FMN2: variants seen among roughly 807,000 people sequenced by gnomAD.
FMN2 encodes the protein formin 2, also known as formin-2.
In FMN2, 51 loss-of-function variants were observed where a neutral mutation model predicts 142.3. That is an observed-to-expected ratio of 0.36 (90% CI 0.29 to 0.45). The LOEUF (loss-of-function observed/expected upper bound fraction) is 0.45. FMN2 is among the 20% of genes least tolerant of loss of function. The pLI is 1.00. For synonymous variants in FMN2, 882 were observed against 869.8 expected, an observed-to-expected ratio of 1.01 and a Z score of -0.25; for missense variants, 1,936 against 2,122.8, an observed-to-expected ratio of 0.91 and a Z score of 1.73.
chr1:240,162,131 C>CAA (rs113464464), intron 2 of FMN2, among the ~76,000 whole-genome samples: 72 of 101,876 alleles, frequency 7.1e-4, no homozygotes, highest in African/African-American at 2.3e-3. Context: ...GACCTTGTTT[C>CAA]AAAAAAAAAA....
At chr1:240,373,417 T>C (rs1404395666) in intron 14 of FMN2, among the ~76,000 whole-genome samples, 4 of 152,226 alleles carry the variant, frequency 2.6e-5, no homozygotes, top group Non-Finnish European at 1.5e-5. Flanking sequence ...TGCTATTTGG[T>C]AGTATTTTAC....
At chr1:240,137,069 C>CA (rs563163509) in intron 2 of FMN2, among the ~76,000 whole-genome samples, 1,097 of 74,978 alleles carry the variant, frequency 0.015, 10 homozygotes, top group South Asian at 0.022. Flanking sequence ...AACTCCGTCT[C>CA]AAAAAAAAAA....
At chr1:240,250,762 C>T (rs887274586) in intron 6 of FMN2, among the ~76,000 whole-genome samples, 1 of 151,850 alleles carries the variant, frequency 6.6e-6, no homozygotes. Context: ...TTCAATCTCA[C>T]AACTCATTGT....
chr1:240,181,285 T>G (rs1189064736), intron 3 of FMN2, among the ~76,000 whole-genome samples: 1 of 152,230 alleles, frequency 6.6e-6, no homozygotes, highest in Admixed American at 6.5e-5. Flanking sequence ...ATTACAGGCG[T>G]GAGCCACTGC....
intron 7 of FMN2, among the ~76,000 whole-genome samples, chr1:240,268,905 G>A (rs1484351467): frequency 6.6e-6 from 1 of 151,820 alleles, no homozygotes; most frequent in Non-Finnish European, 1.5e-5. Flanking sequence ...TTGCCTTTCT[G>A]TTATTGAGTA....
At chr1:240,446,253 G>C (rs1374493662) in intron 16 of FMN2, among the ~76,000 whole-genome samples, 2 of 152,110 alleles carry the variant, frequency 1.3e-5, no homozygotes, top group Non-Finnish European at 2.9e-5. Context: ...TTAAAACTTT[G>C]GGAAATCTTC....
At chr1:240,353,325 A>G (rs1055479875) in intron 13 of FMN2, among the ~76,000 whole-genome samples, 7 of 152,194 alleles carry the variant, frequency 4.6e-5, no homozygotes, top group African/African-American at 1.7e-4. Context: ...TAAACTCACT[A>G]CCATATAATG....
chr1:240,204,476 T>G (rs1028770672), intron 4 of FMN2, among the ~76,000 whole-genome samples: 4 of 151,938 alleles, frequency 2.6e-5, no homozygotes, highest in Admixed American at 1.3e-4. Context: ...CTAGACCATG[T>G]GCGGTGGCTC....
intron 4 of FMN2, among the ~76,000 whole-genome samples, chr1:240,190,974 G>T (rs1447943832): frequency 6.6e-6 from 1 of 152,100 alleles, no homozygotes; most frequent in African/African-American, 2.4e-5. Context: ...TCACTAGATG[G>T]CAGTTCTGTA....
chr1:240,186,094 C>G (rs1665436337), intron 3 of FMN2, among the ~76,000 whole-genome samples: 1 of 152,132 alleles, frequency 6.6e-6, no homozygotes, highest in Non-Finnish European at 1.5e-5. Context: ...GTGACACTTA[C>G]TGGTAAGTGA....
rs1482101312 is a variant in FMN2, at chr1:240,114,657, T to G, written c.1616-8522T>G. On this transcript the variant is annotated intron_variant, in intron 1 of 17. Transcript: ENST00000319653. ...GGTGATTTTCTAATTATATCATTTCTTTTTTTTTTTTTTTTTTGAGACAGA... is the reference window on the plus strand; with the variant it reads ...GGTGATTTTCTAATTATATCATTTCGTTTTTTTTTTTTTTTTTGAGACAGA... Among the ~76,000 whole-genome samples, 40 of 129,894 alleles carry G rather than the reference T, an allele frequency of 3.1e-4. 4 individuals carry two copies. The highest frequency in any genetic ancestry group is 3.7e-4 in the Admixed American group (5 of 13,574). The allele number at this position is 129,894 out of a possible 152,430, so 85.2% of individuals were successfully genotyped here.
intron 1 of FMN2, among the ~76,000 whole-genome samples, chr1:240,097,566 A>G (rs1661249640): frequency 1.3e-5 from 2 of 152,238 alleles, no homozygotes; most frequent in Admixed American, 6.5e-5. Context: ...CGTGTTAGCC[A>G]GGATGGTCTT....
intron 2 of FMN2, among the ~76,000 whole-genome samples, chr1:240,155,529 C>CA: frequency 6.6e-6 from 1 of 152,250 alleles, no homozygotes; most frequent in East Asian, 1.9e-4. Context: ...GTTCCTCCTG[C>CA]CTTGGCCTCT....
intron 2 of FMN2, among the ~76,000 whole-genome samples, chr1:240,136,035 A>G (rs184383597): frequency 8.6e-5 from 13 of 151,702 alleles, no homozygotes; most frequent in Admixed American, 5.9e-4. Flanking sequence ...CTACTCAGTG[A>G]ATGTTTGTAT....
At chr1:240,150,203 T>C (rs528740560) in intron 2 of FMN2, among the ~76,000 whole-genome samples, 3 of 152,296 alleles carry the variant, frequency 2.0e-5, no homozygotes, top group East Asian at 1.9e-4. Flanking sequence ...GAACAAAAAT[T>C]TTGTACAGAA....
intron 8 of FMN2, among the ~76,000 whole-genome samples, chr1:240,315,066 A>G (rs1217448549): frequency 6.6e-6 from 1 of 152,168 alleles, no homozygotes; most frequent in Non-Finnish European, 1.5e-5. Context: ...TTGGCTAGCA[A>G]CCCCAGTAAA....
chr1:240,149,801 A>G (rs1389343174), intron 2 of FMN2, among the ~76,000 whole-genome samples: 1 of 152,216 alleles, frequency 6.6e-6, no homozygotes, highest in East Asian at 1.9e-4. Flanking sequence ...CAGGAAGATT[A>G]ATTGTAATAG....
intron 14 of FMN2, among the ~76,000 whole-genome samples, chr1:240,361,636 G>C (rs1045476542): frequency 5.3e-5 from 8 of 152,208 alleles, no homozygotes; most frequent in African/African-American, 1.9e-4. Flanking sequence ...CACTGAGATA[G>C]AGAATATGCA....
intron 15 of FMN2, among the ~76,000 whole-genome samples, chr1:240,401,492 T>C (rs939333535): frequency 1.3e-5 from 2 of 152,212 alleles, no homozygotes; most frequent in Admixed American, 1.3e-4. Flanking sequence ...ATCCATGGAA[T>C]TGGCTGGTGA....
Sources: gnomAD v4.1 joint callset for allele counts (sites outside exome capture counted in the v4.1 genomes callset) on GRCh38, gnomAD v4.1.1 for gene constraint, MANE v1.5 for transcripts, NCBI Gene and HGNC (gene_info 2026-07-23, HGNC 2026-07-21) for gene names.